The following MTHFD2L variants were observed in gnomAD, a reference collection of about 807,000 sequenced individuals.
MTHFD2L encodes bifunctional methylenetetrahydrofolate dehydrogenase/cyclohydrolase 2, mitochondrial.
A neutral mutation model predicts 34.9 loss-of-function variants in MTHFD2L; 29 were observed. That is an observed-to-expected ratio of 0.83 (90% CI 0.62 to 1.13). The LOEUF (loss-of-function observed/expected upper bound fraction) is 1.13, where lower values mean the gene tolerates loss of function less well. Ranked by LOEUF, MTHFD2L falls within the 50% of genes most tolerant of loss-of-function variation. The pLI is 0.00. For missense variants in MTHFD2L, 481 were observed against 446.5 expected (o/e 1.08, Z -0.70); for synonymous variants, 167 against 155.7 (o/e 1.07, Z -0.54).
At chr4:74,213,629 G>T (rs79221103) in intron 5 of MTHFD2L, among the ~76,000 whole-genome samples, 1 of 152,282 alleles carries the variant, frequency 6.6e-6, no homozygotes, top group Non-Finnish European at 1.5e-5. Flanking sequence ...CTCTCTGGCT[G>T]CCCTTAACAT....
chr4:74,134,897 T>C (rs1413035806), intron 1 of MTHFD2L, among the ~76,000 whole-genome samples: 1 of 151,842 alleles, frequency 6.6e-6, no homozygotes, highest in Admixed American at 6.6e-5. Flanking sequence ...AAAGACTGGC[T>C]GTTAAAAAAT....
intron 6 of MTHFD2L, among the ~76,000 whole-genome samples, chr4:74,236,458 T>A (rs1424551185): frequency 6.6e-6 from 1 of 152,254 alleles, no homozygotes; most frequent in Non-Finnish European, 1.5e-5. Flanking sequence ...ATGGATGTGC[T>A]CGCTAGTTTT....
intron 1 of MTHFD2L, among the ~76,000 whole-genome samples, chr4:74,138,910 C>T (rs559872314): frequency 1.8e-4 from 27 of 152,270 alleles, no homozygotes; most frequent in Admixed American, 1.2e-3. Context: ...TTCTTTACCT[C>T]CTACTTTAGC....
rs79633175 is a variant in MTHFD2L, at chr4:74,134,786, C to T, written c.-297+9269C>T. On this transcript the variant is annotated intron_variant, in intron 1 of 7. Transcript: ENST00000433372. ...ACAAGGAAATTGAAATAATGATAAG[C>T]AGAAATCTTGTAACTAAGAACTACA... Among the ~76,000 whole-genome samples the T allele has an allele frequency of 3.1e-3, 476 of 151,926 alleles. 20 individuals carry two copies. The East Asian group carries it at 0.08, about 26-fold the overall frequency.
intron 6 of MTHFD2L, among the ~76,000 whole-genome samples, chr4:74,231,145 G>T (rs1313756800): frequency 6.6e-6 from 1 of 151,948 alleles, no homozygotes; most frequent in Non-Finnish European, 1.5e-5. Context: ...CAGGATAAAT[G>T]GGCAATTTAG....
At chr4:74,119,371 C>A (rs1201093168), upstream of MTHFD2L, among the ~76,000 whole-genome samples, 2 of 152,156 alleles carry the variant, frequency 1.3e-5, no homozygotes, top group Admixed American at 1.3e-4. Context: ...CACAAGCTAA[C>A]CCTAGCCAAA....
intron 1 of MTHFD2L, among the ~76,000 whole-genome samples, chr4:74,172,436 A>C (rs1284723187): frequency 6.6e-6 from 1 of 151,562 alleles, no homozygotes; most frequent in Non-Finnish European, 1.5e-5. Context: ...GAAAGCTATT[A>C]AAATTTTAAT....
chr4:74,267,882 C>A, intron 6 of MTHFD2L: 8 of 985,290 alleles, frequency 8.1e-6, no homozygotes, highest in Non-Finnish European at 9.6e-6. Context: ...AAGCCCTAGA[C>A]GATCCAATAT....
intron 1 of MTHFD2L, among the ~76,000 whole-genome samples, chr4:74,148,612 A>G (rs988371303): frequency 2.0e-5 from 3 of 151,814 alleles, no homozygotes; most frequent in Non-Finnish European, 2.9e-5. Context: ...CGATTCATCC[A>G]CCTCAGCCTC....
chr4:74,142,818 A>G lies in MTHFD2L; in HGVS notation c.-296-17237A>G, dbSNP rs368622260. Among the ~76,000 whole-genome samples the G allele has an allele frequency of 7.2e-5, 11 of 152,314 alleles. No homozygotes were observed. The South Asian group carries it at 1.2e-3, about 17-fold the overall frequency. ...TTCTTCAAGGTATTATTCAAGGATA[A>G]TGGGTCAGTCTTGGACAAAAAAATC... On this transcript the variant is annotated intron_variant, in intron 1 of 7. Coordinates refer to the MTHFD2L transcript ENST00000433372.
At chr4:74,265,922 C>G (rs537857242) in intron 6 of MTHFD2L, among the ~76,000 whole-genome samples, 1 of 152,188 alleles carries the variant, frequency 6.6e-6, no homozygotes, top group African/African-American at 2.4e-5. Context: ...TACTTTTTTT[C>G]TTTTAACAAA....
At chr4:74,185,083 C>T (rs577449471) in intron 3 of MTHFD2L, among the ~76,000 whole-genome samples, 16 of 132,676 alleles carry the variant, frequency 1.2e-4, no homozygotes, top group African/African-American at 3.5e-4. Context: ...ACCTGGGAGG[C>T]GGAGCTTGCA....
chr4:74,219,846 A>G (rs1206170507), intron 5 of MTHFD2L, among the ~76,000 whole-genome samples: 2 of 152,160 alleles, frequency 1.3e-5, no homozygotes, highest in African/African-American at 2.4e-5. Context: ...TTCTACGGAC[A>G]TCAACAACCA....
intron 1 of MTHFD2L, among the ~76,000 whole-genome samples, chr4:74,166,921 C>G (rs1385848792): frequency 6.6e-6 from 1 of 152,144 alleles, no homozygotes; most frequent in African/African-American, 2.4e-5. Context: ...ATCTAGGTAC[C>G]AGGGCCATTC....
chr4:74,228,562 G>A (rs1181742033), intron 6 of MTHFD2L, among the ~76,000 whole-genome samples: 1 of 152,032 alleles, frequency 6.6e-6, no homozygotes, highest in Admixed American at 6.6e-5. Flanking sequence ...ATGACAAATG[G>A]CACATGGGTG....
chr4:74,233,343 A>G (rs372569980), intron 6 of MTHFD2L, among the ~76,000 whole-genome samples: 1 of 152,186 alleles, frequency 6.6e-6, no homozygotes, highest in Non-Finnish European at 1.5e-5. Context: ...TCTTTAAAGT[A>G]AAGAGGGTTT....
chr4:74,273,558 C>A (rs762550654), intron 6 of MTHFD2L, among the ~76,000 whole-genome samples: 7 of 152,118 alleles, frequency 4.6e-5, no homozygotes, highest in Admixed American at 4.6e-4. Context: ...TTCTAAGGCA[C>A]CTCTCAAATG....
chr4:74,299,316 A>G (rs1750005753), intron 7 of MTHFD2L, among the ~76,000 whole-genome samples: 1 of 151,862 alleles, frequency 6.6e-6, no homozygotes, highest in Non-Finnish European at 1.5e-5. Flanking sequence ...CTTTACAAAT[A>G]TATGACTTTG....
At chr4:74,206,164 T>C (rs1310066325) in intron 5 of MTHFD2L, among the ~76,000 whole-genome samples, 1 of 151,826 alleles carries the variant, frequency 6.6e-6, no homozygotes, top group East Asian at 1.9e-4. Context: ...GCAGCCAGAT[T>C]TCTATCCAAA....
Sources: gnomAD v4.1 joint callset for allele counts (sites outside exome capture counted in the v4.1 genomes callset) on GRCh38, gnomAD v4.1.1 for gene constraint, MANE v1.5 for transcripts, NCBI Gene and HGNC (gene_info 2026-07-23, HGNC 2026-07-21) for gene names.